Variants in PARD3B observed in about 807,000 individuals in gnomAD.
PARD3B encodes par-3 family cell polarity regulator beta.
PARD3B carries 103 observed loss-of-function variants against 130.2 expected under a neutral mutation model. The ratio of observed to expected loss-of-function variants is 0.79; its 90% CI spans 0.67 to 0.93. The LOEUF (loss-of-function observed/expected upper bound fraction) is 0.93, where lower values mean the gene tolerates loss of function less well. PARD3B is among the 40% of genes least tolerant of loss of function. PARD3B has a pLI of 0.00. For missense variants in PARD3B, 1,609 were observed against 1,499.2 expected, an observed-to-expected ratio of 1.07 and a Z score of -1.21; for synonymous variants, 583 against 553.2, an observed-to-expected ratio of 1.05 and a Z score of -0.76.
chr2:204,919,009 T>C (rs1032638304), intron 2 of PARD3B, among the ~76,000 whole-genome samples: 2 of 152,206 alleles, frequency 1.3e-5, no homozygotes, highest in Non-Finnish European at 2.9e-5. Flanking sequence ...TGAAAAATTT[T>C]AAATATATAG....
chr2:205,275,933 G>C (rs906673496), intron 16 of PARD3B, among the ~76,000 whole-genome samples: 2 of 148,766 alleles, frequency 1.3e-5, no homozygotes, highest in Non-Finnish European at 3.0e-5. Context: ...ATCAACAGTT[G>C]TTCAAATGCT....
At chr2:204,679,365 C>T (rs1040232626) in intron 1 of PARD3B, among the ~76,000 whole-genome samples, 5 of 152,210 alleles carry the variant, frequency 3.3e-5, no homozygotes, top group African/African-American at 9.6e-5. Context: ...GTGTGATGTT[C>T]ATTCAGCTTT....
At chr2:204,670,532 G>A (rs1187400488) in intron 1 of PARD3B, among the ~76,000 whole-genome samples, 1 of 151,870 alleles carries the variant, frequency 6.6e-6, no homozygotes, top group Non-Finnish European at 1.5e-5. Context: ...GGATACCAGT[G>A]TGCTTTTATG....
Position 205,525,458 on chromosome 2 carries a change from GCA to G in PARD3B, c.3180+25430_3180+25431del, listed in dbSNP as rs2051294852. On this transcript the variant is annotated intron_variant, in intron 21 of 22. Transcript: ENST00000406610. The surrounding 1 kb of genome is among the most constrained non-coding windows in gnomAD (Gnocchi z 4.2). ...CAATATAATGCTGGGTGTTATGTAT[GCA>G]CAGTTACCTATGAACACAAAAAGGT... Among the ~76,000 whole-genome samples the G allele has an allele frequency of 6.6e-6, 1 of 152,078 alleles. No homozygotes were observed. Among genetic ancestry groups the G allele is most frequent in the Non-Finnish European group, 1.5e-5 (1 of 68,006 alleles).
At chr2:205,057,625 G>GTA (rs1182732331) in intron 4 of PARD3B, among the ~76,000 whole-genome samples, 7 of 130,216 alleles carry the variant, frequency 5.4e-5, no homozygotes, top group Middle Eastern at 3.9e-3. Flanking sequence ...ATGTGTATAC[G>GTA]TATATATATA....
At chr2:205,545,100 AGT>A (rs2052327216) in intron 21 of PARD3B, among the ~76,000 whole-genome samples, 1 of 152,212 alleles carries the variant, frequency 6.6e-6, no homozygotes, top group African/African-American at 2.4e-5. Flanking sequence ...AGTTTGAATG[AGT>A]GTGTGTTCTT....
intron 22 of PARD3B, among the ~76,000 whole-genome samples, chr2:205,605,480 TTTTG>T (rs550984664): frequency 3.9e-4 from 59 of 152,168 alleles, no homozygotes; most frequent in Non-Finnish European, 4.9e-4. Flanking sequence ...TTTTGTTGTT[TTTTG>T]TTTGTTTGTT....
intron 18 of PARD3B, among the ~76,000 whole-genome samples, chr2:205,376,225 T>C (rs574422937): frequency 6.6e-6 from 1 of 152,112 alleles, no homozygotes; most frequent in South Asian, 2.1e-4. Flanking sequence ...GGCCACCAGA[T>C]AGATAATAAG....
intron 2 of PARD3B, among the ~76,000 whole-genome samples, chr2:204,710,399 C>G (rs896262734): frequency 6.6e-6 from 1 of 152,184 alleles, no homozygotes; most frequent in Non-Finnish European, 1.5e-5. Context: ...TGTTAAAGTA[C>G]GTTTAAATTC....
At chr2:205,194,304 G>C (rs1194002727) in intron 15 of PARD3B, among the ~76,000 whole-genome samples, 2 of 152,160 alleles carry the variant, frequency 1.3e-5, no homozygotes, top group African/African-American at 4.8e-5. Flanking sequence ...TGAAACAAGA[G>C]AAATTGATTC....
chr2:205,499,634 G>T (rs571229133), intron 20 of PARD3B, among the ~76,000 whole-genome samples: 1 of 152,142 alleles, frequency 6.6e-6, no homozygotes, highest in Non-Finnish European at 1.5e-5. Flanking sequence ...GCTCTAAAAG[G>T]TAAAGACTCT....
intron 22 of PARD3B, among the ~76,000 whole-genome samples, chr2:205,612,877 G>A (rs1039906510): frequency 6.6e-6 from 1 of 152,132 alleles, no homozygotes; most frequent in Admixed American, 6.5e-5. Flanking sequence ...CCCTCACTGT[G>A]AGCTGTGAGC....
chr2:204,914,643 C>T (rs2047373996), intron 2 of PARD3B, among the ~76,000 whole-genome samples: 1 of 152,176 alleles, frequency 6.6e-6, no homozygotes, highest in Non-Finnish European at 1.5e-5. Context: ...AAGAAACCTC[C>T]TGTGGACCCC....
intron 22 of PARD3B, among the ~76,000 whole-genome samples, chr2:205,570,695 G>A (rs931352398): frequency 1.3e-5 from 2 of 152,160 alleles, no homozygotes; most frequent in African/African-American, 4.8e-5. Context: ...GCACCACAAT[G>A]TGAAATACAG....
At chr2:205,012,622 T>G (rs78960224) in intron 3 of PARD3B, among the ~76,000 whole-genome samples, 1,771 of 152,326 alleles carry the variant, frequency 0.012, 12 homozygotes, top group Middle Eastern at 0.02. Context: ...TCTTGGACTG[T>G]TGCTTAAAAG....
At chr2:204,959,654 A>G (rs1690575162) in intron 2 of PARD3B, among the ~76,000 whole-genome samples, 1 of 152,156 alleles carries the variant, frequency 6.6e-6, no homozygotes, top group Admixed American at 6.5e-5. Flanking sequence ...TTATCTTTAC[A>G]AGGTAAAGGA....
intron 3 of PARD3B, among the ~76,000 whole-genome samples, chr2:205,001,702 C>T (rs1462463375): frequency 4.6e-5 from 7 of 152,156 alleles, no homozygotes; most frequent in Admixed American, 4.6e-4. Flanking sequence ...GGCAGGGAGG[C>T]GTAATGTGCT....
At chr2:205,249,493 G>A (rs1400658546) in intron 16 of PARD3B, among the ~76,000 whole-genome samples, 1 of 151,954 alleles carries the variant, frequency 6.6e-6, no homozygotes, top group Non-Finnish European at 1.5e-5. Flanking sequence ...CCTTTTCTTG[G>A]CTTAATTTTT....
chr2:205,240,416 T>C (rs1463557858), intron 15 of PARD3B, among the ~76,000 whole-genome samples: 2 of 152,184 alleles, frequency 1.3e-5, no homozygotes, highest in African/African-American at 4.8e-5. Flanking sequence ...TTGCAGTCTC[T>C]ATTATTTCAA....
Sources: allele counts gnomAD v4.1 joint callset (sites outside exome capture counted in the v4.1 genomes callset), GRCh38; gene constraint gnomAD v4.1.1; non-coding constraint Gnocchi (gnomAD v3.1); transcripts MANE v1.5; gene names NCBI Gene and HGNC (gene_info 2026-07-23, HGNC 2026-07-21).